The following CACNA1B variants were observed in gnomAD, a reference collection of about 807,000 sequenced individuals.
CACNA1B encodes calcium voltage-gated channel subunit alpha1 B.
A neutral mutation model predicts 247.2 loss-of-function variants in CACNA1B; 70 were observed. The ratio of observed to expected loss-of-function variants is 0.28; its 90% CI spans 0.23 to 0.35. The LOEUF (loss-of-function observed/expected upper bound fraction) is 0.35, where lower values mean the gene tolerates loss of function less well. Among genes scored for constraint, CACNA1B ranks in the 10% least tolerant of loss-of-function variants. The pLI is 1.00. For synonymous variants in CACNA1B, 1,231 were observed against 1,294.4 expected (o/e 0.95, Z 1.05); for missense variants, 2,367 against 3,197.4 (o/e 0.74, Z 6.26).
rs1961220976 is a variant in CACNA1B, at chr9:138,100,642, G to T, written c.5223-2069G>T. Among the ~76,000 whole-genome samples, 1 of 152,178 alleles carries T rather than the reference G, an allele frequency of 6.6e-6. No individual in the cohort carries two copies. The highest frequency in any genetic ancestry group is 2.4e-5 in the African/African-American group (1 of 41,434). On this transcript the variant is annotated intron_variant, in intron 37 of 46. Transcript: ENST00000371372. This position sits in a 1 kb window ranked among gnomAD's most constrained non-coding sequence, Gnocchi z 4.6. ...TACGATGAGAGGAGGTCCTTAGCTG[G>T]ACCAGGGCTTCCAGGGGAGGACACA...
chr9:137,880,047 A>G lies in CACNA1B; in HGVS notation c.390+888A>G, dbSNP rs1956895796. On this transcript the variant is annotated intron_variant, in intron 2 of 46. Coordinates refer to ENST00000371372, the MANE Select transcript of CACNA1B (RefSeq NM_000718.4). The surrounding 1 kb of genome is among the most constrained non-coding windows in gnomAD (Gnocchi z 4.8). ...GAGACGGCCTCTCTGGGGTGTCAGG[A>G]GCTGCTCCCTCTTCCCTTAAGCCTG... Among the ~76,000 whole-genome samples the G allele has an allele frequency of 3.9e-5, 6 of 152,142 alleles. No homozygotes were observed. Among genetic ancestry groups the G allele is most frequent in the Admixed American group, 2.0e-4 (3 of 15,278 alleles).
In CACNA1B at chr9:138,112,402, G is replaced by C. The variant is rs1425744655; in HGVS notation, c.5433G>C (p.Gly1811=). Residue 1811 remains glycine (G), a synonymous_variant, in exon 40 of 47, where the codon GGG becomes GGC. Coordinates refer to ENST00000371372, the MANE Select transcript of CACNA1B (RefSeq NM_000718.4). ...TALEIKLAPA[G]TKQHQCDAEL... ...CCCACCATCATCCTGGTGCAGCTGG[G>C]ACAAAGCAGCATCAGTGTGACGCGG... The C allele has an allele frequency of 5.6e-6, 9 of 1,611,832 alleles. No individual in the cohort carries two copies. The highest frequency in any genetic ancestry group is 7.6e-6 in the Non-Finnish European group (9 of 1,178,038).
chr9:137,937,772 C>A (rs1957684823), intron 6 of CACNA1B, among the ~76,000 whole-genome samples: 1 of 151,610 alleles, frequency 6.6e-6, no homozygotes, highest in South Asian at 2.1e-4. Context: ...ATGGAGAAAC[C>A]CCGTGTCTAC....
intron 36 of CACNA1B, among the ~76,000 whole-genome samples, chr9:138,095,727 T>C (rs1161674764): frequency 1.3e-5 from 2 of 152,322 alleles, no homozygotes; most frequent in South Asian, 4.1e-4. Flanking sequence ...CAAATGCCTA[T>C]CAGTGAATGA....
chr9:138,042,675 G>T (rs1238356102), intron 20 of CACNA1B, among the ~76,000 whole-genome samples: 1 of 152,180 alleles, frequency 6.6e-6, no homozygotes, highest in Admixed American at 6.5e-5. Flanking sequence ...AACTGCTTGT[G>T]CTCGTGGGCA....
chr9:138,026,318 C>T (rs1958920360), intron 20 of CACNA1B, among the ~76,000 whole-genome samples: 1 of 152,172 alleles, frequency 6.6e-6, no homozygotes, highest in Non-Finnish European at 1.5e-5. Flanking sequence ...AGTGAGTCTG[C>T]CTGCCCAGCT....
At chr9:138,049,760 G>A (rs762117869) in intron 24 of CACNA1B, among the ~76,000 whole-genome samples, 2 of 152,244 alleles carry the variant, frequency 1.3e-5, no homozygotes, top group Non-Finnish European at 2.9e-5. Flanking sequence ...GCCCAAGGCA[G>A]AACTGGTGGT....
Position 137,879,170 on chromosome 9 carries a change from G to T in CACNA1B, c.390+11G>T, listed in dbSNP as rs1413781642. On this transcript the variant is annotated intron_variant, in intron 2 of 46. Transcript: ENST00000371372. The stretch of plus-strand genomic sequence containing the variant: ...ATGTCCGAGCGGCTGGTGAGTGCCC[G>T]GCTGGGCCTGAGGGCAGGGTGGTGG... 6.3e-7 allele frequency: 1 copy of T among 1,581,052 alleles called. No individual in the cohort carries two copies. Among genetic ancestry groups the T allele is most frequent in the Non-Finnish European group, 8.6e-7 (1 of 1,156,934 alleles).
At chr9:138,103,209 T>G (rs1961312860) in intron 38 of CACNA1B, among the ~76,000 whole-genome samples, 1 of 152,170 alleles carries the variant, frequency 6.6e-6, no homozygotes, top group African/African-American at 2.4e-5. Context: ...GCCCCTGGTA[T>G]GGATGGAGCT....
chr9:138,056,928 T>C (rs1338250129), intron 26 of CACNA1B, among the ~76,000 whole-genome samples: 2 of 141,256 alleles, frequency 1.4e-5, no homozygotes, highest in African/African-American at 5.6e-5. Flanking sequence ...CCATTTTTTA[T>C]TTGGGTTTTT....
Position 138,124,238 on chromosome 9 carries a change from G to A in CACNA1B, c.*2239G>A, listed in dbSNP as rs190286486. The A allele has an allele frequency of 3.3e-5, 5 of 152,262 alleles. No homozygotes were observed. In the East Asian group the frequency reaches 9.6e-4, roughly 29 times the overall value. 9.4% of individuals were successfully genotyped at this position (152,262 alleles called of 1,614,324 possible). On this transcript the variant is annotated 3_prime_UTR_variant, in exon 47 of 47. Coordinates refer to ENST00000371372, the MANE Select transcript of CACNA1B (RefSeq NM_000718.4). The stretch of plus-strand genomic sequence containing the variant: ...GTTGTCTGCATCTGGAACCAGTCAA[G>A]CAGTGGCTGTAGTTTGAACAAGTTA...
intron 36 of CACNA1B, among the ~76,000 whole-genome samples, chr9:138,091,878 G>C (rs1250761071): frequency 1.3e-5 from 2 of 152,172 alleles, no homozygotes; most frequent in African/African-American, 2.4e-5. Flanking sequence ...GAGAAATAAA[G>C]AGAAAGAGTA....
rs1198704602 is a variant in CACNA1B at position 137,884,965 on chromosome 9, C to G, written c.530+2082C>G. 6.9e-4 allele frequency among the ~76,000 whole-genome samples: 77 copies of G among 110,816 alleles called. 3 individuals are homozygous for G. The highest frequency in any genetic ancestry group is 1.8e-3 in the African/African-American group (54 of 30,290). 72.7% of individuals were successfully genotyped at this position (110,816 alleles called of 152,430 possible). On this transcript the variant is annotated intron_variant, in intron 3 of 46. Transcript: ENST00000371372. ...TCCCTCCTCTCCCCTCTTCCCCCCC[C>G]CCCTCCTCCCACTTTGCCTGTCTAG... is the stretch of plus-strand genomic sequence containing the variant.
chr9:137,989,709 C>T lies in CACNA1B; in HGVS notation c.1974+2855C>T, dbSNP rs145423732. 3.4e-3 allele frequency among the ~76,000 whole-genome samples: 524 copies of T among 152,184 alleles called. 5 individuals carry two copies. The highest frequency in any genetic ancestry group is 4.2e-3 in the Non-Finnish European group (287 of 68,018). On this transcript the variant is annotated intron_variant, in intron 15 of 46. Coordinates refer to ENST00000371372, the MANE Select transcript of CACNA1B (RefSeq NM_000718.4). ...TGAATCCAGACAGCTGTGGTTTAAG[C>T]GTGAGGGCAGAGCTAAAGACACTTT...
At chr9:137,910,883 T>C (rs988925872) in intron 3 of CACNA1B, among the ~76,000 whole-genome samples, 1 of 152,204 alleles carries the variant, frequency 6.6e-6, no homozygotes, top group African/African-American at 2.4e-5. Flanking sequence ...CTTTTTACTT[T>C]TGATGAAGTT....
chr9:138,121,372 TC>T lies in CACNA1B; in HGVS notation c.6490-91del. ...CCCATTGCCTCCCTCTCTCCTCCCATCCCCCCAGGCACCTGTGTGTGATGTG... is the reference window on the plus strand; with the variant it reads ...CCCATTGCCTCCCTCTCTCCTCCCATCCCCCAGGCACCTGTGTGTGATGTG... On this transcript the variant is annotated intron_variant, in intron 46 of 46. Coordinates refer to ENST00000371372, the MANE Select transcript of CACNA1B (RefSeq NM_000718.4). This position sits in a 1 kb window ranked among gnomAD's most constrained non-coding sequence, Gnocchi z 6.8. The T allele has an allele frequency of 5.3e-6, 5 of 944,370 alleles. No homozygotes were observed. Among genetic ancestry groups the T allele is most frequent in the Non-Finnish European group, 7.6e-6 (5 of 657,486 alleles). The allele number at this position is 944,370 out of a possible 1,614,324, so 58.5% of individuals were successfully genotyped here. A position where few individuals can be genotyped will look rare whatever the true frequency, so the allele number is the denominator to read the frequency against.
At chr9:137,998,241 C>T (rs570340019) in intron 15 of CACNA1B, among the ~76,000 whole-genome samples, 101 of 152,148 alleles carry the variant, frequency 6.6e-4, no homozygotes, top group Non-Finnish European at 1.3e-3. Context: ...TTGCATCTTT[C>T]GGAGTGTTTA....
At chr9:137,930,814 T>C (rs1957599077) in intron 6 of CACNA1B, among the ~76,000 whole-genome samples, 1 of 152,248 alleles carries the variant, frequency 6.6e-6, no homozygotes, top group South Asian at 2.1e-4. Context: ...TTTGATGGAT[T>C]GACCTTTTTA....
intron 15 of CACNA1B, among the ~76,000 whole-genome samples, chr9:138,006,075 C>T (rs1464663788): frequency 6.6e-6 from 1 of 151,408 alleles, no homozygotes; most frequent in Non-Finnish European, 1.5e-5. Flanking sequence ...ATTTAAAAAC[C>T]CCCACAAATA....
Sources: allele counts gnomAD v4.1 joint callset (sites outside exome capture counted in the v4.1 genomes callset), GRCh38; gene constraint gnomAD v4.1.1; non-coding constraint Gnocchi (gnomAD v3.1); transcripts MANE v1.5; gene names NCBI Gene and HGNC (gene_info 2026-07-23, HGNC 2026-07-21).